The following THSD4 variants were observed in gnomAD, a reference collection of about 807,000 sequenced individuals.
THSD4 encodes thrombospondin type 1 domain containing 4, also known as thrombospondin type-1 domain-containing protein 4.
Under a neutral mutation model 119.0 loss-of-function variants are expected in THSD4, and 69 were observed. The ratio of observed to expected loss-of-function variants is 0.58; its 90% CI spans 0.48 to 0.71. The LOEUF (loss-of-function observed/expected upper bound fraction) is 0.71, where lower values mean the gene tolerates loss of function less well. Among genes scored for constraint, THSD4 ranks in the 30% least tolerant of loss-of-function variants. The pLI, the probability that THSD4 is intolerant of heterozygous loss-of-function variation, is 0.00. For synonymous variants in THSD4, 524 were observed against 540.4 expected, an observed-to-expected ratio of 0.97 and a Z score of 0.42; for missense variants, 1,393 against 1,391.1, an observed-to-expected ratio of 1.00 and a Z score of -0.02.
At chr15:71,772,706 A>G (rs895832314) in intron 17 of THSD4, among the ~76,000 whole-genome samples, 2 of 152,216 alleles carry the variant, frequency 1.3e-5, no homozygotes, top group African/African-American at 4.8e-5. Context: ...GGCATACCAT[A>G]TACCAACGTT....
intron 1 of THSD4, among the ~76,000 whole-genome samples, chr15:71,099,672 A>C (rs890753713): frequency 2.0e-5 from 3 of 152,144 alleles, no homozygotes; most frequent in African/African-American, 7.2e-5. Context: ...TATTATATTT[A>C]AAGTGGATTT....
chr15:71,524,855 G>A (rs532508219), intron 7 of THSD4, among the ~76,000 whole-genome samples: 3 of 147,090 alleles, frequency 2.0e-5, no homozygotes, highest in Admixed American at 7.0e-5. Flanking sequence ...CTTGTGATCC[G>A]CCTGCCTCGG....
chr15:71,772,237 C>G (rs1352637073), intron 17 of THSD4, among the ~76,000 whole-genome samples: 1 of 152,178 alleles, frequency 6.6e-6, no homozygotes, highest in East Asian at 1.9e-4. Flanking sequence ...TTTTAATATA[C>G]TGACCTAACA....
intron 3 of THSD4, chr15:71,187,544 C>T (rs1329553329): frequency 6.6e-6 from 1 of 152,644 alleles, no homozygotes; most frequent in Non-Finnish European, 1.5e-5. Context: ...AAGGCTCATT[C>T]TCTCTGAGAA....
intron 6 of THSD4, among the ~76,000 whole-genome samples, chr15:71,398,682 A>G (rs1439191346): frequency 1.3e-5 from 2 of 152,112 alleles, no homozygotes; most frequent in South Asian, 2.1e-4. Flanking sequence ...GTGATTGGCA[A>G]CCCAGCAGAA....
intron 1 of THSD4, among the ~76,000 whole-genome samples, chr15:71,107,214 G>A (rs989060724): frequency 5.9e-5 from 9 of 152,112 alleles, no homozygotes; most frequent in African/African-American, 1.2e-4. Context: ...TTAGCTTCAA[G>A]GAAACTTCAG....
intron 6 of THSD4, among the ~76,000 whole-genome samples, chr15:71,328,477 A>C (rs1216084489): frequency 6.6e-6 from 1 of 152,204 alleles, no homozygotes; most frequent in African/African-American, 2.4e-5. Context: ...TAATTCATTC[A>C]GTCTGCCATT....
chr15:71,137,268 C>A (rs1388314298), intron 1 of THSD4, among the ~76,000 whole-genome samples: 1 of 152,224 alleles, frequency 6.6e-6, no homozygotes, highest in Admixed American at 6.5e-5. Context: ...GGAACCCTCA[C>A]TCTTTCCAGG....
At chr15:71,107,897 C>T (rs2040280675) in intron 1 of THSD4, among the ~76,000 whole-genome samples, 1 of 152,220 alleles carries the variant, frequency 6.6e-6, no homozygotes, top group Admixed American at 6.5e-5. Flanking sequence ...GGTTAAGCCA[C>T]TGCTCAAGGT....
chr15:71,636,889 CT>C (rs112472688), intron 7 of THSD4, among the ~76,000 whole-genome samples: 396 of 144,448 alleles, frequency 2.7e-3, no homozygotes, highest in Middle Eastern at 3.6e-3. Flanking sequence ...ATATTTTTTT[CT>C]TTTTTTTTTT....
chr15:71,106,987 A>G (rs943435387), intron 1 of THSD4, among the ~76,000 whole-genome samples: 1 of 152,238 alleles, frequency 6.6e-6, no homozygotes, highest in Non-Finnish European at 1.5e-5. Context: ...GAATTGGTGA[A>G]CTTGAGTCAT....
At chr15:71,203,860 AAGCGGCATGC>A (rs1258777782) in intron 3 of THSD4, among the ~76,000 whole-genome samples, 3 of 152,138 alleles carry the variant, frequency 2.0e-5, no homozygotes, top group Admixed American at 6.5e-5. Context: ...TGCCTTTGTT[AAGCGGCATGC>A]TGAACTCAGG....
intron 2 of THSD4, among the ~76,000 whole-genome samples, chr15:71,143,469 G>A (rs2040624713): frequency 6.6e-6 from 1 of 152,020 alleles, no homozygotes; most frequent in South Asian, 2.1e-4. Flanking sequence ...GGAGGTCACA[G>A]TCGGTTATTG....
At chr15:71,430,288 C>T (rs576576900) in intron 7 of THSD4, among the ~76,000 whole-genome samples, 31 of 152,076 alleles carry the variant, frequency 2.0e-4, no homozygotes, top group Non-Finnish European at 4.0e-4. Flanking sequence ...CTTTAGCCTT[C>T]CATTTCTACC....
At chr15:71,715,896 AC>A (rs768407173) in intron 8 of THSD4, among the ~76,000 whole-genome samples, 8 of 152,070 alleles carry the variant, frequency 5.3e-5, no homozygotes, top group Non-Finnish European at 1.2e-4. Flanking sequence ...AAACATGCCA[AC>A]CCTGAAGCAA....
chr15:71,140,886 G>T (rs2040596379), intron 1 of THSD4, among the ~76,000 whole-genome samples: 1 of 152,122 alleles, frequency 6.6e-6, no homozygotes, highest in African/African-American at 2.4e-5. Context: ...GGCAACCAAC[G>T]AATCTACTTT....
intron 7 of THSD4, among the ~76,000 whole-genome samples, chr15:71,489,377 G>T (rs902925008): frequency 6.6e-6 from 1 of 152,050 alleles, no homozygotes; most frequent in Non-Finnish European, 1.5e-5. Context: ...TATTTAAAAT[G>T]TTGTCTTATT....
chr15:71,318,051 C>T (rs2045215309), intron 6 of THSD4, among the ~76,000 whole-genome samples: 1 of 152,104 alleles, frequency 6.6e-6, no homozygotes, highest in Non-Finnish European at 1.5e-5. Flanking sequence ...CCAACACCCA[C>T]CTACCAGTGG....
chr15:71,728,474 A>G (rs1369569276), intron 8 of THSD4, 75 bp from the exon 9 acceptor site: 1 of 1,549,836 alleles, frequency 6.5e-7, no homozygotes, highest in Non-Finnish European at 8.8e-7. Flanking sequence ...AAGAAGCCAG[A>G]AACTGGGGGA....
Sources: gnomAD v4.1 joint callset for allele counts (sites outside exome capture counted in the v4.1 genomes callset) on GRCh38, gnomAD v4.1.1 for gene constraint, MANE v1.5 for transcripts, NCBI Gene and HGNC (gene_info 2026-07-23, HGNC 2026-07-21) for gene names.